Variants in GRID1 observed in about 807,000 individuals in gnomAD.
GRID1 encodes glutamate ionotropic receptor delta type subunit 1, also known as glutamate receptor ionotropic, delta-1.
GRID1 carries 28 observed loss-of-function variants against 98.0 expected under a neutral mutation model. That is an observed-to-expected ratio of 0.29 (90% CI 0.21 to 0.39). The LOEUF is 0.39. GRID1 is among the 10% of genes least tolerant of loss of function. The probability of loss-of-function intolerance (pLI) is 1.00; values close to 1 mark genes in which losing one functional copy is unlikely to be tolerated. For missense variants in GRID1, 1,111 were observed against 1,340.5 expected (o/e 0.83, Z 2.67); for synonymous variants, 553 against 538.5 (o/e 1.03, Z -0.37).
At chr10:86,353,183 T>A (rs1252785165) in intron 2 of GRID1, among the ~76,000 whole-genome samples, 1 of 152,076 alleles carries the variant, frequency 6.6e-6, no homozygotes, top group Non-Finnish European at 1.5e-5. Context: ...CCAGAAGACG[T>A]CACCGACAAG....
At chr10:86,143,062 A>C (rs1845032613) in intron 3 of GRID1, among the ~76,000 whole-genome samples, 1 of 152,198 alleles carries the variant, frequency 6.6e-6, no homozygotes. Context: ...GATCCATCAG[A>C]GACAGTTTAT....
chr10:85,880,718 A>AG (rs1456045118), intron 5 of GRID1, among the ~76,000 whole-genome samples: 1 of 152,142 alleles, frequency 6.6e-6, no homozygotes, highest in Non-Finnish European at 1.5e-5. Flanking sequence ...GGCACAAGAC[A>AG]GGGATGCCCC....
Position 86,321,355 on chromosome 10 carries a change from G to T in GRID1, c.235+42586C>A, listed in dbSNP as rs145797647. ...GATCGGGCCAAAATGGTGGCCTGGG[G>T]TCACATTCTGCCTCTTCCCAATACA... is the stretch of plus-strand genomic sequence containing the variant. On this transcript the variant is annotated intron_variant, in intron 2 of 15. Transcript: ENST00000327946. Among the ~76,000 whole-genome samples the T allele has an allele frequency of 2.5e-3, 381 of 152,210 alleles. 2 individuals carry two copies. Among genetic ancestry groups the T allele is most frequent in the African/African-American group, 8.5e-3 (353 of 41,524 alleles).
intron 2 of GRID1, among the ~76,000 whole-genome samples, chr10:86,317,089 A>G (rs1438223968): frequency 6.6e-6 from 1 of 152,114 alleles, no homozygotes; most frequent in Non-Finnish European, 1.5e-5. Context: ...CTCAGAAGAG[A>G]GCTGCCTAGC....
chr10:85,856,796 T>C (rs1490439251), intron 6 of GRID1, among the ~76,000 whole-genome samples: 1 of 152,198 alleles, frequency 6.6e-6, no homozygotes, highest in Non-Finnish European at 1.5e-5. Context: ...CTGGATTTGC[T>C]CTATTGGCCA....
At chr10:86,312,471 C>T (rs1449708061) in intron 2 of GRID1, among the ~76,000 whole-genome samples, 1 of 152,216 alleles carries the variant, frequency 6.6e-6, no homozygotes, top group Non-Finnish European at 1.5e-5. Context: ...GATTTCTTCC[C>T]ATCTGCCTCT....
At chr10:86,184,755 A>G (rs936938107) in intron 3 of GRID1, among the ~76,000 whole-genome samples, 3 of 152,164 alleles carry the variant, frequency 2.0e-5, no homozygotes, top group Non-Finnish European at 2.9e-5. Flanking sequence ...ACAAAACTCA[A>G]TGGAATCTAC....
chr10:85,780,052 C>T (rs1842367633), intron 8 of GRID1, among the ~76,000 whole-genome samples: 1 of 152,188 alleles, frequency 6.6e-6, no homozygotes, highest in Non-Finnish European at 1.5e-5. Context: ...CATGTGCTCC[C>T]TTAAGGCTCA....
intron 4 of GRID1, among the ~76,000 whole-genome samples, chr10:85,972,069 C>T (rs967510963): frequency 2.0e-5 from 3 of 152,040 alleles, no homozygotes; most frequent in African/African-American, 4.8e-5. Context: ...ATGTCAAAGA[C>T]ATTATGTTGC....
In GRID1 at chr10:85,960,824, G is replaced by T. The variant is rs1355970197; in HGVS notation, c.727-44585C>A. Among the ~76,000 whole-genome samples the T allele has an allele frequency of 2.0e-5, 3 of 152,198 alleles. No homozygotes were observed. The East Asian group carries it at 5.8e-4, about 29-fold the overall frequency. ...GCATTCCACCCATGGATGCACCATT[G>T]TGAGCACTGACCTCACTCAGGGAAA... On this transcript the variant is annotated intron_variant, in intron 4 of 15. Transcript: ENST00000327946.
intron 3 of GRID1, among the ~76,000 whole-genome samples, chr10:86,189,444 T>C (rs1365204337): frequency 1.3e-5 from 2 of 151,668 alleles, no homozygotes; most frequent in East Asian, 3.9e-4. Context: ...TGACACAGCC[T>C]CCTCATTACT....
intron 4 of GRID1, among the ~76,000 whole-genome samples, chr10:86,086,751 T>C (rs1312907042): frequency 6.6e-6 from 1 of 152,142 alleles, no homozygotes; most frequent in Non-Finnish European, 1.5e-5. Context: ...TGCACAGATA[T>C]ATGTGTGTGG....
chr10:85,947,688 A>G (rs570132977), intron 4 of GRID1, among the ~76,000 whole-genome samples: 1 of 152,230 alleles, frequency 6.6e-6, no homozygotes, highest in Non-Finnish European at 1.5e-5. Context: ...CGTAAAGAAG[A>G]CCACCAAATC....
At chr10:86,094,980 A>G (rs1844200238) in intron 4 of GRID1, among the ~76,000 whole-genome samples, 1 of 152,248 alleles carries the variant, frequency 6.6e-6, no homozygotes, top group African/African-American at 2.4e-5. Context: ...ACAGAATGGT[A>G]CTGATATAAA....
intron 2 of GRID1, among the ~76,000 whole-genome samples, chr10:86,283,895 C>CAT (rs1847391543): frequency 6.6e-6 from 1 of 151,530 alleles, no homozygotes; most frequent in African/African-American, 2.4e-5. Flanking sequence ...TGCCCTCACA[C>CAT]ACCTGTATAT....
chr10:86,102,908 G>T (rs1844319540), intron 4 of GRID1, among the ~76,000 whole-genome samples: 1 of 152,120 alleles, frequency 6.6e-6, no homozygotes, highest in Non-Finnish European at 1.5e-5. Context: ...AGTTGTTCTT[G>T]TGATAGTGAA....
intron 2 of GRID1, among the ~76,000 whole-genome samples, chr10:86,304,680 G>A (rs1297482110): frequency 1.3e-5 from 2 of 152,252 alleles, no homozygotes; most frequent in South Asian, 4.1e-4. Flanking sequence ...CATCTCTGTC[G>A]ATCTCCAACA....
chr10:86,073,015 G>C (rs1249879094), intron 4 of GRID1, among the ~76,000 whole-genome samples: 1 of 152,228 alleles, frequency 6.6e-6, no homozygotes, highest in African/African-American at 2.4e-5. Context: ...GTGGCTTTGT[G>C]AGTATTGAGA....
At chr10:85,651,286 G>C (rs1843265300) in intron 12 of GRID1, among the ~76,000 whole-genome samples, 1 of 152,170 alleles carries the variant, frequency 6.6e-6, no homozygotes, top group Admixed American at 6.5e-5. Flanking sequence ...CAAATGGTTG[G>C]AACACTGTGC....
Sources: gnomAD v4.1 joint callset for allele counts (sites outside exome capture counted in the v4.1 genomes callset) on GRCh38, gnomAD v4.1.1 for gene constraint, MANE v1.5 for transcripts, NCBI Gene and HGNC (gene_info 2026-07-23, HGNC 2026-07-21) for gene names.